The following SGCZ variants were observed in gnomAD, a reference collection of about 807,000 sequenced individuals.
SGCZ encodes the protein sarcoglycan zeta.
In SGCZ, 40 loss-of-function variants were observed where a neutral mutation model predicts 41.3. The ratio of observed to expected loss-of-function variants is 0.97; its 90% CI spans 0.75 to 1.26. The LOEUF (loss-of-function observed/expected upper bound fraction) is 1.26. Among genes scored for constraint, SGCZ ranks in the 50% most tolerant of loss-of-function variants. The pLI is 0.00. For synonymous variants in SGCZ, 206 were observed against 137.5 expected (o/e 1.50, Z -3.49); for missense variants, 552 against 369.8 (o/e 1.49, Z -4.04).
At chr8:14,274,862 T>C (rs915982478) in intron 3 of SGCZ, among the ~76,000 whole-genome samples, 18 of 152,250 alleles carry the variant, frequency 1.2e-4, no homozygotes, top group African/African-American at 3.9e-4. Context: ...ATGATTATAA[T>C]ACTCTAGTCT....
chr8:14,732,097 C>A (rs1798874046), intron 1 of SGCZ, among the ~76,000 whole-genome samples: 1 of 152,132 alleles, frequency 6.6e-6, no homozygotes, highest in Admixed American at 6.5e-5. Context: ...AGCCTTAATG[C>A]TGGAAAAAAC....
intron 1 of SGCZ, among the ~76,000 whole-genome samples, chr8:14,837,562 G>T (rs544952875): frequency 6.6e-6 from 1 of 152,230 alleles, no homozygotes; most frequent in African/African-American, 2.4e-5. Context: ...AGGCAAAACT[G>T]GTAAGTGACA....
intron 2 of SGCZ, among the ~76,000 whole-genome samples, chr8:14,359,619 C>A (rs1312651144): frequency 6.6e-6 from 1 of 151,824 alleles, no homozygotes. Flanking sequence ...ACAATACACT[C>A]CTGAGATTAA....
intron 1 of SGCZ, among the ~76,000 whole-genome samples, chr8:14,784,146 G>A (rs1029529605): frequency 2.6e-5 from 4 of 151,732 alleles, no homozygotes; most frequent in Middle Eastern, 3.4e-3. Flanking sequence ...GACCTCGCAG[G>A]CTCAATATAT....
chr8:14,263,663 A>C (rs929070285), intron 3 of SGCZ, among the ~76,000 whole-genome samples: 1 of 152,182 alleles, frequency 6.6e-6, no homozygotes, highest in Non-Finnish European at 1.5e-5. Context: ...ATCTACCCAC[A>C]GAAACATCAA....
chr8:14,667,582 C>T (rs7846360), intron 1 of SGCZ, among the ~76,000 whole-genome samples: 7,131 of 152,154 alleles, frequency 0.047, 282 homozygotes, highest in African/African-American at 0.11. Context: ...AAATATAACA[C>T]TCTCTTTCTG....
chr8:14,481,579 T>C (rs1399715186), intron 2 of SGCZ, among the ~76,000 whole-genome samples: 5 of 152,210 alleles, frequency 3.3e-5, no homozygotes, highest in Admixed American at 2.6e-4. Flanking sequence ...TGTTTTATTT[T>C]ATAGATACAT....
chr8:14,933,776 T>C (rs774549159), intron 1 of SGCZ, among the ~76,000 whole-genome samples: 1 of 152,000 alleles, frequency 6.6e-6, no homozygotes, highest in East Asian at 1.9e-4. Flanking sequence ...TTAAATAGTA[T>C]ACACTGATAC....
At chr8:14,204,170 G>C (rs1805543878) in intron 4 of SGCZ, among the ~76,000 whole-genome samples, 2 of 152,034 alleles carry the variant, frequency 1.3e-5, no homozygotes, top group Admixed American at 6.6e-5. Context: ...GTGTGGTTTG[G>C]GAAAATGGGG....
rs538389471 is a variant in SGCZ at position 14,800,101 on chromosome 8, T to G, written c.40-245175A>C. Among the ~76,000 whole-genome samples the G allele has an allele frequency of 2.6e-5, 4 of 152,168 alleles. No individual in the cohort carries two copies. In the East Asian group the frequency reaches 7.8e-4, roughly 30 times the overall value. On this transcript the variant is annotated intron_variant, in intron 1 of 7. Transcript: ENST00000382080. ...AAAGAATATTCTTCAGGATTAAATC[T>G]CACCATTGAACCAGCATCTACACTT...
chr8:14,955,532 C>A (rs936536445), intron 1 of SGCZ, among the ~76,000 whole-genome samples: 3 of 152,174 alleles, frequency 2.0e-5, no homozygotes, highest in African/African-American at 7.2e-5. Context: ...ACATATGACA[C>A]TCATGCTGCT....
chr8:14,670,781 A>G (rs1360274272), intron 1 of SGCZ, among the ~76,000 whole-genome samples: 1 of 152,014 alleles, frequency 6.6e-6, no homozygotes. Flanking sequence ...CATTTTAAAG[A>G]TGATGAAACT....
intron 2 of SGCZ, among the ~76,000 whole-genome samples, chr8:14,348,527 T>G (rs1451767867): frequency 6.6e-6 from 1 of 152,158 alleles, no homozygotes; most frequent in Non-Finnish European, 1.5e-5. Context: ...TGAAATGGTT[T>G]TGAATATAAA....
rs147742417 is a variant in SGCZ at position 14,681,424 on chromosome 8, A to T, written c.40-126498T>A. On this transcript the variant is annotated intron_variant, in intron 1 of 7. Coordinates refer to ENST00000382080, the MANE Select transcript of SGCZ (RefSeq NM_139167.4). ...ATAGAAATAGGACTTTTAGAAATAT[A>T]ATGTAAACCATCACATTATCATGTA... Among the ~76,000 whole-genome samples the T allele has an allele frequency of 1.2e-3, 189 of 152,338 alleles. 1 individual carries two copies. The highest frequency in any genetic ancestry group is 4.2e-3 in the African/African-American group (176 of 41,594).
At chr8:14,398,593 G>T (rs1415604220) in intron 2 of SGCZ, among the ~76,000 whole-genome samples, 1 of 151,984 alleles carries the variant, frequency 6.6e-6, no homozygotes, top group African/African-American at 2.4e-5. Context: ...GTTGCCTTGG[G>T]GAGTGCTCTG....
chr8:14,935,701 A>G (rs2130812172), intron 1 of SGCZ, among the ~76,000 whole-genome samples: 1 of 152,038 alleles, frequency 6.6e-6, no homozygotes, highest in East Asian at 1.9e-4. Flanking sequence ...TCCAAATATC[A>G]ACAAAATAAA....
chr8:14,417,710 T>C (rs1799532537), intron 2 of SGCZ, among the ~76,000 whole-genome samples: 1 of 151,892 alleles, frequency 6.6e-6, no homozygotes, highest in Non-Finnish European at 1.5e-5. Context: ...AGGGAGTAGA[T>C]AGCAAGTTGA....
intron 1 of SGCZ, among the ~76,000 whole-genome samples, chr8:14,561,876 T>C (rs572354179): frequency 6.6e-6 from 1 of 152,294 alleles, no homozygotes; most frequent in Admixed American, 6.5e-5. Flanking sequence ...AGATGCCTGA[T>C]CAAATAGAAT....
chr8:14,425,436 C>A (rs910487546), intron 2 of SGCZ, among the ~76,000 whole-genome samples: 1 of 152,000 alleles, frequency 6.6e-6, no homozygotes, highest in Non-Finnish European at 1.5e-5. Context: ...GTCTGGCCAA[C>A]ATGATGAAAC....
Sources: gnomAD v4.1 joint callset for allele counts (sites outside exome capture counted in the v4.1 genomes callset) on GRCh38, gnomAD v4.1.1 for gene constraint, MANE v1.5 for transcripts, NCBI Gene and HGNC (gene_info 2026-07-23, HGNC 2026-07-21) for gene names.